SPEF2: variants seen among roughly 807,000 people sequenced by gnomAD.
The protein encoded by SPEF2 is sperm flagella and cilia-associated protein 2.
A neutral mutation model predicts 224.6 loss-of-function variants in SPEF2; 187 were observed. That is an observed-to-expected ratio of 0.83 (90% CI 0.74 to 0.94). The LOEUF (loss-of-function observed/expected upper bound fraction) is 0.94. Ranked by LOEUF, SPEF2 falls within the 40% of genes least tolerant of loss-of-function variation. The pLI is 0.00. For missense variants in SPEF2, 2,170 were observed against 2,135.6 expected, an observed-to-expected ratio of 1.02 and a Z score of -0.32; for synonymous variants, 715 against 707.3, an observed-to-expected ratio of 1.01 and a Z score of -0.17.
chr5:35,767,669 G>A (rs567065599), intron 26 of SPEF2, among the ~76,000 whole-genome samples: 23 of 152,180 alleles, frequency 1.5e-4, no homozygotes, highest in Non-Finnish European at 2.6e-4. Context: ...GTACAGAGAA[G>A]ATAGTAGATT....
chr5:35,666,077 G>A (rs961149), intron 8 of SPEF2, among the ~76,000 whole-genome samples: 92,309 of 151,936 alleles, frequency 0.61, 28,769 homozygotes, highest in East Asian at 0.73. Flanking sequence ...GGAAATGGAG[G>A]CACAAGGAGA....
intron 26 of SPEF2, among the ~76,000 whole-genome samples, chr5:35,769,989 A>ATATCTG (rs1554053681): frequency 0.15 from 21,189 of 142,224 alleles, 1,937 homozygotes; most frequent in African/African-American, 0.27. Context: ...TGCCTCCATA[A>ATATCTG]TGTGTGTGTG....
chr5:35,814,390 T>C (rs931562663), intron 36 of SPEF2, 74 bp from the exon 37 acceptor site: 28 of 717,230 alleles, frequency 3.9e-5, no homozygotes, highest in Middle Eastern at 3.1e-4. Context: ...TGATCATTTA[T>C]TAGTATTTGT....
chr5:35,664,782 A>C, intron 8 of SPEF2, among the ~76,000 whole-genome samples: 2 of 59,788 alleles, frequency 3.3e-5, no homozygotes, highest in East Asian at 4.5e-4. Context: ...GAGAGAGAGA[A>C]AGAGGGAGGG....
rs543081684 is a variant in SPEF2 at position 35,733,123 on chromosome 5, G to GT, written c.3063+5309dup. Among the ~76,000 whole-genome samples, 175 of 149,616 alleles carry GT rather than the reference G, an allele frequency of 1.2e-3. 2 individuals carry two copies. Among genetic ancestry groups the GT allele is most frequent in the African/African-American group, 2.5e-3 (101 of 40,668 alleles). On this transcript the variant is annotated intron_variant, in intron 21 of 36. Transcript: ENST00000356031. ...GGTTTTTTTTTGTTTTTTGTTTTTTGTTTTTTTTTGAGATGGAGTCTCGCT... is the reference window on the plus strand; with the variant it reads ...GGTTTTTTTTTGTTTTTTGTTTTTTGTTTTTTTTTTGAGATGGAGTCTCGCT...
intron 30 of SPEF2, among the ~76,000 whole-genome samples, chr5:35,785,440 T>C (rs1754962598): frequency 6.6e-6 from 1 of 152,180 alleles, no homozygotes; most frequent in South Asian, 2.1e-4. Flanking sequence ...GGAAAATCTG[T>C]CCATAGAACT....
intron 3 of SPEF2, among the ~76,000 whole-genome samples, chr5:35,643,844 A>G (rs926712674): frequency 9.2e-5 from 14 of 152,248 alleles, no homozygotes; most frequent in East Asian, 3.9e-4. Context: ...CATTTTACAG[A>G]TGATGAAACT....
chr5:35,711,267 T>TATTTTGTTATTTTGTTAAAAA, intron 19 of SPEF2, among the ~76,000 whole-genome samples: 1 of 152,182 alleles, frequency 6.6e-6, no homozygotes, highest in Non-Finnish European at 1.5e-5. Context: ...CATTGAATCC[T>TATTTTGTTATTTTGTTAAAAA]ATTTTGTTAT....
intron 30 of SPEF2, among the ~76,000 whole-genome samples, chr5:35,785,914 A>T (rs1445894677): frequency 6.6e-6 from 1 of 152,018 alleles, no homozygotes. Context: ...TTTGCCTGGA[A>T]TACCCTTCCC....
intron 1 of SPEF2, among the ~76,000 whole-genome samples, chr5:35,623,272 A>G (rs955934237): frequency 1.3e-5 from 2 of 152,190 alleles, no homozygotes; most frequent in African/African-American, 4.8e-5. Context: ...TGATAGGGCC[A>G]TGCTGGTTCC....
At chr5:35,803,375 G>A (rs944694619) in intron 34 of SPEF2, among the ~76,000 whole-genome samples, 40 of 152,218 alleles carry the variant, frequency 2.6e-4, no homozygotes, top group African/African-American at 8.9e-4. Flanking sequence ...TTCACTGTGT[G>A]CTAGTGTTCC....
intron 2 of SPEF2, among the ~76,000 whole-genome samples, chr5:35,630,592 A>T (rs1261934891): frequency 6.6e-6 from 1 of 152,144 alleles, no homozygotes. Context: ...GCTACTCGTG[A>T]GGCTGAGGCA....
intron 36 of SPEF2, chr5:35,807,563 C>A: frequency 7.6e-7 from 1 of 1,323,612 alleles, no homozygotes; most frequent in Non-Finnish European, 1.0e-6. Flanking sequence ...TAAGATTCCT[C>A]CTGCCAAAGA....
Position 35,697,743 on chromosome 5 carries a change from A to C in SPEF2, c.2091A>C (p.Gly697=), listed in dbSNP as rs779364898. Reference sequence around the variant, plus strand: ...AATCAGAACAGTTGCTGAAGAAAGGAAAGAGCATTCCTGATGTGCTGCTTG... The same window carrying C: ...AATCAGAACAGTTGCTGAAGAAAGGCAAGAGCATTCCTGATGTGCTGCTTG... ...GAKSEQLLKK[G]KSIPDVLLVD... The change falls in exon 15 of 37, where the codon GGA becomes GGC. Residue 697 remains glycine (G), a synonymous_variant. Coordinates refer to ENST00000356031, the MANE Select transcript of SPEF2 (RefSeq NM_024867.4). 1 of 1,613,464 alleles carries C rather than the reference A, an allele frequency of 6.2e-7. No individual in the cohort carries two copies. Among genetic ancestry groups the C allele is most frequent in the African/African-American group, 1.3e-5 (1 of 75,018 alleles).
At chr5:35,703,114 A>AT (rs369493524) in intron 16 of SPEF2, among the ~76,000 whole-genome samples, 1 of 33,028 alleles carries the variant, frequency 3.0e-5, no homozygotes, top group East Asian at 3.6e-4. Flanking sequence ...TTTTTTTTTT[A>AT]TTCTCTCTTT....
At chr5:35,795,236 A>G (rs1378392326) in intron 32 of SPEF2, among the ~76,000 whole-genome samples, 2 of 152,030 alleles carry the variant, frequency 1.3e-5, no homozygotes, top group Non-Finnish European at 2.9e-5. Flanking sequence ...GTTTTCTAAA[A>G]CTAGCAATGT....
At chr5:35,645,815 T>A (rs940071714) in intron 4 of SPEF2, among the ~76,000 whole-genome samples, 4 of 152,104 alleles carry the variant, frequency 2.6e-5, no homozygotes, top group Admixed American at 2.6e-4. Context: ...TTCCTGGTCT[T>A]CTTAAGAAAA....
At chr5:35,805,725 C>T (rs951261167) in intron 34 of SPEF2, among the ~76,000 whole-genome samples, 6 of 152,258 alleles carry the variant, frequency 3.9e-5, no homozygotes, top group South Asian at 4.1e-4. Context: ...CCAGAAGTCA[C>T]CACTGTTAAC....
intron 10 of SPEF2, among the ~76,000 whole-genome samples, chr5:35,682,813 G>A (rs1250974045): frequency 6.6e-6 from 1 of 152,164 alleles, no homozygotes; most frequent in Non-Finnish European, 1.5e-5. Context: ...GAATGAGGAA[G>A]CTCCATTCCC....
Sources: gnomAD v4.1 joint callset for allele counts (sites outside exome capture counted in the v4.1 genomes callset) on GRCh38, gnomAD v4.1.1 for gene constraint, MANE v1.5 for transcripts, NCBI Gene and HGNC (gene_info 2026-07-23, HGNC 2026-07-21) for gene names.